The following ADK variants were observed in gnomAD, a reference collection of about 807,000 sequenced individuals.
ADK encodes the protein N6,N6-dimethyladenosine kinase.
ADK carries 24 observed loss-of-function variants against 44.7 expected under a neutral mutation model. That is an observed-to-expected ratio of 0.54 (90% confidence interval 0.39 to 0.76). The LOEUF (loss-of-function observed/expected upper bound fraction) is 0.76, where lower values mean the gene tolerates loss of function less well. ADK is among the 30% of genes least tolerant of loss of function. ADK has a pLI of 0.00. For missense variants in ADK, 321 were observed against 425.1 expected (o/e 0.76, Z 2.15); for synonymous variants, 128 against 142.6 (o/e 0.90, Z 0.73).
chr10:74,168,711 C>T (rs1274042191), intron 1 of ADK, among the ~76,000 whole-genome samples: 4 of 151,336 alleles, frequency 2.6e-5, no homozygotes, highest in African/African-American at 9.7e-5. Context: ...CTCCCGGGTT[C>T]AAGCGATTCT....
chr10:74,640,586 A>G (rs1218299717), intron 9 of ADK, among the ~76,000 whole-genome samples: 1 of 152,228 alleles, frequency 6.6e-6, no homozygotes, highest in Non-Finnish European at 1.5e-5. Flanking sequence ...GTTCTAATAG[A>G]CTACATGTTT....
Position 74,186,185 on chromosome 10 carries a change from C to T in ADK, c.66-14579C>T, listed in dbSNP as rs1375007191. On this transcript the variant is annotated intron_variant, in intron 1 of 10. Transcript: ENST00000539909. ...ATTTACCTAAAGTCAAATCAGCCTT[C>T]CCTTTCCTTCCCTTCCCTTCCCTTC... Among the ~76,000 whole-genome samples, 3 of 137,894 alleles carry T rather than the reference C, an allele frequency of 2.2e-5. No homozygotes were observed. The East Asian group carries it at 6.3e-4, about 29-fold the overall frequency. 90.5% of individuals were successfully genotyped at this position (137,894 alleles called of 152,430 possible). A position where few individuals can be genotyped will look rare whatever the true frequency, so the allele number is the denominator to read the frequency against.
At chr10:74,369,611 C>G (rs1842596494) in intron 4 of ADK, among the ~76,000 whole-genome samples, 1 of 152,118 alleles carries the variant, frequency 6.6e-6, no homozygotes, top group Admixed American at 6.5e-5. Flanking sequence ...TAAAATCACT[C>G]CTGAAACTGG....
In ADK at chr10:74,466,134, G is replaced by C. The variant is rs1360794059; in HGVS notation, c.556-59122G>C. ...TGGCAAACTTGTCTGAAAGTATACT[G>C]TTGCATGTTATGTCATGGATGTACC... On this transcript the variant is annotated intron_variant, in intron 6 of 10. Coordinates refer to ENST00000539909, the MANE Select transcript of ADK (RefSeq NM_006721.4). Among the ~76,000 whole-genome samples, 6 of 152,010 alleles carry C rather than the reference G, an allele frequency of 3.9e-5. No homozygotes were observed. The East Asian group carries it at 1.2e-3, about 29-fold the overall frequency.
chr10:74,636,813 C>T (rs1414333147), intron 9 of ADK, among the ~76,000 whole-genome samples: 1 of 152,016 alleles, frequency 6.6e-6, no homozygotes, highest in Non-Finnish European at 1.5e-5. Context: ...TACAGTTTAC[C>T]AAACAAAGAA....
At chr10:74,623,521 T>C (rs772043940) in intron 9 of ADK, among the ~76,000 whole-genome samples, 1 of 152,152 alleles carries the variant, frequency 6.6e-6, no homozygotes, top group Non-Finnish European at 1.5e-5. Flanking sequence ...TTGCCAAATA[T>C]GCTCCAATTC....
At chr10:74,474,401 T>A (rs7069901) in intron 6 of ADK, among the ~76,000 whole-genome samples, 95,111 of 152,198 alleles carry the variant, frequency 0.62, 32,315 homozygotes, top group Middle Eastern at 0.79. Context: ...CCACACCTAC[T>A]CTGTATTCGT....
At chr10:74,217,241 C>T (rs571364873) in intron 2 of ADK, among the ~76,000 whole-genome samples, 2 of 152,360 alleles carry the variant, frequency 1.3e-5, no homozygotes, top group South Asian at 2.1e-4. Context: ...TCGGAGGGTC[C>T]TACGCCCACG....
At chr10:74,474,515 C>G (rs561693956) in intron 6 of ADK, among the ~76,000 whole-genome samples, 48 of 150,270 alleles carry the variant, frequency 3.2e-4, no homozygotes, top group African/African-American at 1.0e-3. Context: ...CCTTCCCTTC[C>G]CTTCCCTTTC....
intron 4 of ADK, among the ~76,000 whole-genome samples, chr10:74,373,748 A>G (rs1401412178): frequency 6.6e-6 from 1 of 152,152 alleles, no homozygotes; most frequent in African/African-American, 2.4e-5. Context: ...GAGTCTTGCA[A>G]TTCCTTAAAT....
At chr10:74,178,961 C>G (rs1197374583) in intron 1 of ADK, among the ~76,000 whole-genome samples, 1 of 152,182 alleles carries the variant, frequency 6.6e-6, no homozygotes, top group Non-Finnish European at 1.5e-5. Flanking sequence ...TTTGTAGAAA[C>G]AATATACTAT....
intron 4 of ADK, among the ~76,000 whole-genome samples, chr10:74,320,225 T>C (rs764476702): frequency 2.0e-5 from 3 of 152,204 alleles, no homozygotes; most frequent in Non-Finnish European, 4.4e-5. Context: ...AGGATAGTTT[T>C]GTTGGATATA....
At chr10:74,598,664 T>C (rs963743273) in intron 8 of ADK, among the ~76,000 whole-genome samples, 4 of 152,070 alleles carry the variant, frequency 2.6e-5, no homozygotes, top group Non-Finnish European at 5.9e-5. Flanking sequence ...TTAGCCAGGA[T>C]GGTCTTCATC....
At chr10:74,265,031 T>C (rs2132386628) in intron 3 of ADK, among the ~76,000 whole-genome samples, 1 of 152,186 alleles carries the variant, frequency 6.6e-6, no homozygotes, top group East Asian at 1.9e-4. Context: ...TAGACTGGTC[T>C]TGAACATCAA....
intron 6 of ADK, among the ~76,000 whole-genome samples, chr10:74,451,275 T>C (rs1845769590): frequency 6.6e-6 from 1 of 152,014 alleles, no homozygotes; most frequent in Non-Finnish European, 1.5e-5. Flanking sequence ...TTTTAGTGAT[T>C]TTATTACTAG....
chr10:74,536,816 A>G (rs1849464904), intron 7 of ADK, among the ~76,000 whole-genome samples: 1 of 152,188 alleles, frequency 6.6e-6, no homozygotes, highest in African/African-American at 2.4e-5. Context: ...TCCATGTTAT[A>G]GCATGTTATC....
intron 10 of ADK, among the ~76,000 whole-genome samples, chr10:74,705,829 T>G (rs561239133): frequency 3.1e-4 from 47 of 152,396 alleles, no homozygotes; most frequent in African/African-American, 1.1e-3. Flanking sequence ...TTAGCCATTC[T>G]GCGAGTGTGC....
chr10:74,492,277 T>A (rs1346918212), intron 6 of ADK, among the ~76,000 whole-genome samples: 1 of 152,030 alleles, frequency 6.6e-6, no homozygotes, highest in Non-Finnish European at 1.5e-5. Flanking sequence ...AAAAGAAAAA[T>A]TATTTTATTC....
intron 4 of ADK, among the ~76,000 whole-genome samples, chr10:74,379,169 A>G (rs979331434): frequency 1.5e-4 from 23 of 152,148 alleles, no homozygotes; most frequent in African/African-American, 5.3e-4. Context: ...TTTGGCTTGC[A>G]TTTAAAAAGG....
Sources: gnomAD v4.1 joint callset for allele counts (sites outside exome capture counted in the v4.1 genomes callset) on GRCh38, gnomAD v4.1.1 for gene constraint, MANE v1.5 for transcripts, NCBI Gene and HGNC (gene_info 2026-07-23, HGNC 2026-07-21) for gene names.